TLR6: variants seen among roughly 807,000 people sequenced by gnomAD.
TLR6 encodes toll-like receptor 6.
TLR6 carries 9 observed loss-of-function variants against 16.1 expected under a neutral mutation model. The ratio of observed to expected loss-of-function variants is 0.56; its 90% CI spans 0.34 to 0.98. The LOEUF is 0.98. Among genes scored for constraint, TLR6 ranks in the 50% least tolerant of loss-of-function variants. The pLI is 0.02. For missense variants in TLR6, 786 were observed against 921.0 expected, an observed-to-expected ratio of 0.85 and a Z score of 1.90; for synonymous variants, 340 against 338.6, an observed-to-expected ratio of 1.00 and a Z score of -0.04.
At chr4:38,843,285 G>A (rs577918767) in intron 1 of TLR6, among the ~76,000 whole-genome samples, 2 of 152,318 alleles carry the variant, frequency 1.3e-5, no homozygotes, top group African/African-American at 4.8e-5. Context: ...TTCTGCACAA[G>A]AAAGCATCTA....
chr4:38,828,556 T>C, exon 2 of TLR6: 11 of 1,614,002 alleles, frequency 6.8e-6, no homozygotes, highest in Non-Finnish European at 9.3e-6. Flanking sequence ...CTATTGTCAA[T>C]GCTTTCAATG....
intron 1 of TLR6, among the ~76,000 whole-genome samples, chr4:38,834,371 A>T (rs1341585822): frequency 6.6e-6 from 1 of 150,964 alleles, no homozygotes; most frequent in Non-Finnish European, 1.5e-5. Flanking sequence ...AAAAGGAATA[A>T]AAAAGAATAA....
intron 1 of TLR6, among the ~76,000 whole-genome samples, chr4:38,831,558 A>G (rs1711585560): frequency 6.6e-6 from 1 of 152,208 alleles, no homozygotes; most frequent in South Asian, 2.1e-4. Context: ...AGACACTGCA[A>G]GAGAGTGAAA....
chr4:38,863,287 C>G, the TLR6 span, among the ~76,000 whole-genome samples: 2 of 152,178 alleles, frequency 1.3e-5, no homozygotes, highest in Non-Finnish European at 2.9e-5. Context: ...TTCCTGCTAA[C>G]TCATTGGCAT....
At chr4:38,860,921 G>A (rs1445320264), upstream of TLR6, among the ~76,000 whole-genome samples, 3 of 152,136 alleles carry the variant, frequency 2.0e-5, no homozygotes, top group African/African-American at 7.2e-5. Context: ...TCTGGGAGGG[G>A]CCGGGCATAC....
chr4:38,863,907 C>A, the TLR6 span, among the ~76,000 whole-genome samples: 1 of 152,130 alleles, frequency 6.6e-6, no homozygotes, highest in Non-Finnish European at 1.5e-5. Context: ...AAAGTATAAA[C>A]CAAAATCCCT....
intron 1 of TLR6, among the ~76,000 whole-genome samples, chr4:38,834,188 A>G (rs1711778563): frequency 6.6e-6 from 1 of 151,576 alleles, no homozygotes; most frequent in South Asian, 2.1e-4. Context: ...CAGCGAGCTG[A>G]GATTGCACCA....
chr4:38,859,137 C>T (rs1713139860), upstream of TLR6, among the ~76,000 whole-genome samples: 1 of 152,206 alleles, frequency 6.6e-6, no homozygotes, highest in South Asian at 2.1e-4. Flanking sequence ...GGGATTCGAA[C>T]CCAGGCAGTT....
upstream of TLR6, among the ~76,000 whole-genome samples, chr4:38,860,516 C>A (rs1430073744): frequency 2.9e-5 from 4 of 139,930 alleles, no homozygotes; most frequent in Non-Finnish European, 4.6e-5. Flanking sequence ...GATAGTAAAC[C>A]TAAACTTCTC....
chr4:38,862,930 T>TAAAAA, the TLR6 span, among the ~76,000 whole-genome samples: 4 of 83,088 alleles, frequency 4.8e-5, 1 homozygote, highest in Non-Finnish European at 6.5e-5. Context: ...TTCTCCCATC[T>TAAAAA]AAAAAAAAAA....
chr4:38,851,026 T>C (rs1712749878), intron 1 of TLR6, among the ~76,000 whole-genome samples: 1 of 152,128 alleles, frequency 6.6e-6, no homozygotes. Flanking sequence ...AAAAAGCTTA[T>C]CCACCATGAT....
chr4:38,854,579 G>T (rs1391852235), intron 1 of TLR6, among the ~76,000 whole-genome samples: 1 of 151,858 alleles, frequency 6.6e-6, no homozygotes, highest in Non-Finnish European at 1.5e-5. Flanking sequence ...ATAATATCCA[G>T]GTTGGTAGGT....
chr4:38,830,818 T>C (rs1370994681), intron 1 of TLR6, among the ~76,000 whole-genome samples: 1 of 152,094 alleles, frequency 6.6e-6, no homozygotes, highest in African/African-American at 2.4e-5. Context: ...TTTAAAAAAA[T>C]AAAAATCAAA....
chr4:38,863,558 C>G, the TLR6 span, among the ~76,000 whole-genome samples: 1 of 152,216 alleles, frequency 6.6e-6, no homozygotes, highest in Admixed American at 6.5e-5. Context: ...TTCCTCATAT[C>G]AATAAATGAT....
intron 1 of TLR6, among the ~76,000 whole-genome samples, chr4:38,842,722 C>T (rs1712335440): frequency 6.6e-6 from 1 of 152,268 alleles, no homozygotes; most frequent in Non-Finnish European, 1.5e-5. Flanking sequence ...TCCTGGCCGC[C>T]TGTCCTCATG....
the TLR6 span, among the ~76,000 whole-genome samples, chr4:38,864,726 G>C: frequency 6.6e-6 from 1 of 152,208 alleles, no homozygotes; most frequent in Admixed American, 6.5e-5. Flanking sequence ...ATATGAGTGA[G>C]GGGGGCTGTG....
chr4:38,842,061 G>T (rs990702839), intron 1 of TLR6, among the ~76,000 whole-genome samples: 1 of 151,884 alleles, frequency 6.6e-6, no homozygotes, highest in South Asian at 2.1e-4. Flanking sequence ...CAGGATTATG[G>T]CACTTGGGAT....
At chr4:38,852,774 CT>C (rs1397500089) in intron 1 of TLR6, among the ~76,000 whole-genome samples, 1 of 152,040 alleles carries the variant, frequency 6.6e-6, no homozygotes, top group Non-Finnish European at 1.5e-5. Flanking sequence ...CACTTTTACA[CT>C]GTTGGTGGGA....
chr4:38,847,849 C>T (rs567795370), intron 1 of TLR6, among the ~76,000 whole-genome samples: 3 of 152,372 alleles, frequency 2.0e-5, no homozygotes, highest in African/African-American at 7.2e-5. Flanking sequence ...TAGACTCCAC[C>T]TCTGGGGGCA....
Sources: gnomAD v4.1 joint callset for allele counts (sites outside exome capture counted in the v4.1 genomes callset) on GRCh38, gnomAD v4.1.1 for gene constraint, MANE v1.5 for transcripts, NCBI Gene and HGNC (gene_info 2026-07-23, HGNC 2026-07-21) for gene names.